The following PCDHGA1 variants were observed in gnomAD, a reference collection of about 807,000 sequenced individuals.
PCDHGA1 encodes protocadherin gamma-A1.
A neutral mutation model predicts 58.0 loss-of-function variants in PCDHGA1; 32 were observed. The ratio of observed to expected loss-of-function variants is 0.55; its 90% CI spans 0.42 to 0.74. The LOEUF (loss-of-function observed/expected upper bound fraction) is 0.74. Among genes scored for constraint, PCDHGA1 ranks in the 30% least tolerant of loss-of-function variants. PCDHGA1 has a pLI of 0.00. For missense variants in PCDHGA1, 1,205 were observed against 1,182.3 expected, an observed-to-expected ratio of 1.02 and a Z score of -0.28; for synonymous variants, 498 against 501.1, an observed-to-expected ratio of 0.99 and a Z score of 0.08.
Position 141,485,931 on chromosome 5 carries a change from A to C in PCDHGA1, c.2422-8876A>C, listed in dbSNP as rs761979804. 3 of 1,614,192 alleles carry C rather than the reference A, an allele frequency of 1.9e-6. No individual in the cohort carries two copies. In the South Asian group the frequency reaches 3.3e-5, roughly 18 times the overall value. On this transcript the variant is annotated intron_variant, in intron 1 of 3. Transcript: ENST00000517417. This position sits in a 1 kb window ranked among gnomAD's most constrained non-coding sequence, Gnocchi z 5.7. Reference sequence around the variant, plus strand: ...TCCAGCTACAGGATTAGTGTGTTGGAGAGCGCACCAGCGGGCATGGTGCTC... The same window carrying C: ...TCCAGCTACAGGATTAGTGTGTTGGCGAGCGCACCAGCGGGCATGGTGCTC...
At position 141,338,805 on chromosome 5, in the gene PCDHGA1, C is replaced by T. The variant is rs1246451277; in HGVS notation, c.2421+5700C>T. 2.6e-5 allele frequency: 36 copies of T among 1,370,380 alleles called. No individual in the cohort carries two copies. In the East Asian group the frequency reaches 8.5e-4, roughly 32 times the overall value. 84.9% of individuals were successfully genotyped at this position (1,370,380 alleles called of 1,614,324 possible). A position where few individuals can be genotyped will look rare whatever the true frequency, so the allele number is the denominator to read the frequency against. On this transcript the variant is annotated intron_variant, in intron 1 of 3. Coordinates refer to ENST00000517417, the MANE Select transcript of PCDHGA1 (RefSeq NM_018912.3). ...ACAGCACAAGGGGGTGGAGGTTTGG[C>T]CCTAAAGCTTCAGGACACCAAAGAA...
At position 141,432,627 on chromosome 5, in the gene PCDHGA1, C is replaced by A. The variant is rs886117102; in HGVS notation, c.2422-62180C>A. 1 of 1,613,652 alleles carries A rather than the reference C, an allele frequency of 6.2e-7. No homozygotes were observed. The highest frequency in any genetic ancestry group is 8.5e-7 in the Non-Finnish European group (1 of 1,179,952). On this transcript the variant is annotated intron_variant, in intron 1 of 3. Transcript: ENST00000517417. This position sits in a 1 kb window ranked among gnomAD's most constrained non-coding sequence, Gnocchi z 6.0. ...GGACTCTTCTCGGTGGGTCTGCACA[C>A]GGGCGAGGTGCGCACGGCGCGAGCC...
chr5:141,487,595 G>C lies in PCDHGA1; in HGVS notation c.2422-7212G>C. ...TGTTCGCCCAAGCTGCCCACCCTCT[G>C]ATCTTCTCTATGGGCTAGAGGTGAG... On this transcript the variant is annotated intron_variant, in intron 1 of 3. Coordinates refer to ENST00000517417, the MANE Select transcript of PCDHGA1 (RefSeq NM_018912.3). The surrounding 1 kb of genome is among the most constrained non-coding windows in gnomAD (Gnocchi z 5.0). 1 of 1,614,202 alleles carries C rather than the reference G, an allele frequency of 6.2e-7. No homozygotes were observed. The highest frequency in any genetic ancestry group is 8.5e-7 in the Non-Finnish European group (1 of 1,180,038).
intron 1 of PCDHGA1, chr5:141,351,941 C>A: frequency 1.2e-6 from 2 of 1,613,206 alleles, no homozygotes; most frequent in East Asian, 2.2e-5. Flanking sequence ...GGTGCTGTAC[C>A]CCGCGCTGGG....
At chr5:141,393,579 C>T (rs2092799952) in intron 1 of PCDHGA1, 2 of 1,613,888 alleles carry the variant, frequency 1.2e-6, no homozygotes, top group Non-Finnish European at 1.7e-6. Context: ...TGAGAACATG[C>T]CCCCAGGCAC....
intron 1 of PCDHGA1, chr5:141,409,913 G>A: frequency 6.2e-7 from 1 of 1,613,334 alleles, no homozygotes; most frequent in South Asian, 1.1e-5. Flanking sequence ...GGGTCCTGAC[G>A]GCTCCGCGTT....
chr5:141,435,104 G>A (rs1009839042), intron 1 of PCDHGA1, among the ~76,000 whole-genome samples: 1 of 151,968 alleles, frequency 6.6e-6, no homozygotes, highest in Non-Finnish European at 1.5e-5. Flanking sequence ...TTATCTAGGG[G>A]GGAGAAATCT....
intron 1 of PCDHGA1, chr5:141,389,699 C>T: frequency 1.2e-6 from 2 of 1,612,646 alleles, no homozygotes; most frequent in Non-Finnish European, 1.7e-6. Flanking sequence ...TGTCCTACCA[C>T]GTGCTGCAGG....
chr5:141,358,889 AT>A (rs1561517339), intron 1 of PCDHGA1, among the ~76,000 whole-genome samples: 2 of 152,198 alleles, frequency 1.3e-5, no homozygotes, highest in African/African-American at 4.8e-5. Context: ...CTCTGGGATT[AT>A]TTTATATGAG....
At chr5:141,421,069 AGATG>A in intron 1 of PCDHGA1, 1 of 598,532 alleles carries the variant, frequency 1.7e-6, no homozygotes, top group Non-Finnish European at 2.8e-6. Context: ...AAGCGGAATG[AGATG>A]GATACTCACA....
In PCDHGA1 at chr5:141,374,228, G is replaced by A. The variant is rs776875063; in HGVS notation, c.2421+41123G>A. On this transcript the variant is annotated intron_variant, in intron 1 of 3. Coordinates refer to ENST00000517417, the MANE Select transcript of PCDHGA1 (RefSeq NM_018912.3). ...GAAAGGCTCCTTCGTAGGCAACATC[G>A]TCAAGGATCTGGGACTGGAGCCCCA... The A allele has an allele frequency of 3.1e-6, 5 of 1,613,988 alleles. No homozygotes were observed. In the South Asian group the frequency reaches 3.3e-5, roughly 11 times the overall value.
intron 1 of PCDHGA1, among the ~76,000 whole-genome samples, chr5:141,494,469 C>T (rs2099754623): frequency 6.6e-6 from 1 of 152,114 alleles, no homozygotes; most frequent in Non-Finnish European, 1.5e-5. Flanking sequence ...GCACCTCTTC[C>T]CCCAGTTCCA....
chr5:141,447,225 C>T (rs966197293), intron 1 of PCDHGA1, among the ~76,000 whole-genome samples: 9 of 151,960 alleles, frequency 5.9e-5, no homozygotes, highest in African/African-American at 7.3e-5. Flanking sequence ...CTGCAACCTC[C>T]GCCTCCCGGG....
At chr5:141,436,331 T>A (rs919524287) in intron 1 of PCDHGA1, among the ~76,000 whole-genome samples, 1 of 152,198 alleles carries the variant, frequency 6.6e-6, no homozygotes, top group Non-Finnish European at 1.5e-5. Flanking sequence ...TTAGACCATA[T>A]CTCAAATATC....
intron 1 of PCDHGA1, chr5:141,377,857 T>C (rs1234593870): frequency 6.6e-6 from 1 of 152,172 alleles, no homozygotes. Context: ...AAAATTAAGA[T>C]TTAAAAGACT....
At chr5:141,446,129 A>C (rs1488078150) in intron 1 of PCDHGA1, among the ~76,000 whole-genome samples, 1 of 152,204 alleles carries the variant, frequency 6.6e-6, no homozygotes, top group Non-Finnish European at 1.5e-5. Flanking sequence ...GTTCAATAAG[A>C]CTTAATAATG....
At chr5:141,384,574 C>T in intron 1 of PCDHGA1, 1 of 1,614,228 alleles carries the variant, frequency 6.2e-7, no homozygotes, top group Non-Finnish European at 8.5e-7. Flanking sequence ...GAATGACAAC[C>T]CGCCCGAGAT....
At chr5:141,357,729 T>C (rs1760716343) in intron 1 of PCDHGA1, 1 of 1,365,476 alleles carries the variant, frequency 7.3e-7, no homozygotes, top group Non-Finnish European at 9.8e-7. Flanking sequence ...CCTCTTTTAA[T>C]ATTTTATTGC....
At chr5:141,350,418 G>A (rs895622982) in intron 1 of PCDHGA1, 2 of 1,606,624 alleles carry the variant, frequency 1.2e-6, no homozygotes, top group Non-Finnish European at 1.7e-6. Context: ...AAGGATCTGG[G>A]GCTCAGTGTC....
Sources: allele counts gnomAD v4.1 joint callset (sites outside exome capture counted in the v4.1 genomes callset), GRCh38; gene constraint gnomAD v4.1.1; non-coding constraint Gnocchi (gnomAD v3.1); transcripts MANE v1.5; gene names NCBI Gene and HGNC (gene_info 2026-07-23, HGNC 2026-07-21).